The following SCFD2 variants were observed in gnomAD, a reference collection of about 807,000 sequenced individuals.
SCFD2 encodes sec1 family domain-containing protein 2.
In SCFD2, 54 loss-of-function variants were observed where a neutral mutation model predicts 58.9. The observed-to-expected ratio is 0.92, with a 90% CI of 0.74 to 1.15. The LOEUF is 1.15. Ranked by LOEUF, SCFD2 falls within the 50% of genes most tolerant of loss-of-function variation. The probability of loss-of-function intolerance (pLI) is 0.00; values close to 1 mark genes in which losing one functional copy is unlikely to be tolerated. For synonymous variants in SCFD2, 321 were observed against 335.9 expected (o/e 0.96, Z 0.49); for missense variants, 805 against 836.6 (o/e 0.96, Z 0.47).
intron 4 of SCFD2, among the ~76,000 whole-genome samples, chr4:53,180,215 A>G (rs1727499289): frequency 6.6e-6 from 1 of 152,170 alleles, no homozygotes; most frequent in African/African-American, 2.4e-5. Context: ...TCAGCACCAC[A>G]ACACACCTAC....
chr4:53,024,156 C>A (rs1275015552), intron 5 of SCFD2, among the ~76,000 whole-genome samples: 2 of 152,136 alleles, frequency 1.3e-5, no homozygotes, highest in Non-Finnish European at 2.9e-5. Flanking sequence ...AACCCTGACA[C>A]CAAGTGCTAG....
intron 4 of SCFD2, among the ~76,000 whole-genome samples, chr4:53,231,899 T>G (rs890970959): frequency 2.0e-5 from 3 of 152,134 alleles, no homozygotes; most frequent in African/African-American, 7.2e-5. Context: ...ATTATCTTCC[T>G]TTTAGTCTCA....
At chr4:53,007,079 G>A (rs34736313) in intron 5 of SCFD2, among the ~76,000 whole-genome samples, 417 of 151,994 alleles carry the variant, frequency 2.7e-3, no homozygotes, top group Middle Eastern at 6.8e-3. Flanking sequence ...TCTGGAGTTT[G>A]AGACCAACCT....
rs1026812614 is a variant in SCFD2 at position 53,162,779 on chromosome 4, G to A, written c.1312-17197C>T. Among the ~76,000 whole-genome samples the A allele has an allele frequency of 1.0e-3, 156 of 151,784 alleles. 1 individual carries two copies. Among genetic ancestry groups the A allele is most frequent in the African/African-American group, 3.6e-3 (148 of 41,344 alleles). On this transcript the variant is annotated intron_variant, in intron 4 of 8. Coordinates refer to ENST00000401642, the MANE Select transcript of SCFD2 (RefSeq NM_152540.4). ...ATGAGTTAATGGGTGCAGCACACCAGCATGGCACATGTATACATACGTAAC... is the reference window on the plus strand; with the variant it reads ...ATGAGTTAATGGGTGCAGCACACCAACATGGCACATGTATACATACGTAAC...
At chr4:53,152,847 G>A (rs1726552380) in intron 4 of SCFD2, among the ~76,000 whole-genome samples, 1 of 152,078 alleles carries the variant, frequency 6.6e-6, no homozygotes. Context: ...AAAGAACGGG[G>A]CAACAGACCC....
At chr4:52,881,856 T>C (rs914037478) in intron 8 of SCFD2, among the ~76,000 whole-genome samples, 5 of 152,178 alleles carry the variant, frequency 3.3e-5, no homozygotes, top group Non-Finnish European at 5.9e-5. Context: ...CATTCATGAA[T>C]ATCCACTAAG....
rs997065785 is a variant in SCFD2 at position 52,887,882 on chromosome 4, C to T, written c.1843-2016G>A. Among the ~76,000 whole-genome samples the T allele has an allele frequency of 2.0e-5, 3 of 149,390 alleles. No homozygotes were observed. The South Asian group carries it at 6.4e-4, about 32-fold the overall frequency. On this transcript the variant is annotated intron_variant, in intron 7 of 8. Transcript: ENST00000401642. ...CTCCCTTGCCTGATTATACCCACGTCTCAACATCTTATTCTTTTTTTTTTT... is the reference window on the plus strand; with the variant it reads ...CTCCCTTGCCTGATTATACCCACGTTTCAACATCTTATTCTTTTTTTTTTT...
intron 2 of SCFD2, among the ~76,000 whole-genome samples, chr4:53,324,000 G>T (rs1185352313): frequency 1.3e-5 from 2 of 152,132 alleles, no homozygotes; most frequent in South Asian, 2.1e-4. Flanking sequence ...AAGCACACAG[G>T]TCTTGAATAT....
At chr4:53,223,646 C>A (rs1387926331) in intron 4 of SCFD2, among the ~76,000 whole-genome samples, 1 of 152,200 alleles carries the variant, frequency 6.6e-6, no homozygotes, top group Non-Finnish European at 1.5e-5. Flanking sequence ...TCATGGAAAT[C>A]TCGTTTGGCT....
intron 5 of SCFD2, among the ~76,000 whole-genome samples, chr4:53,105,291 G>A (rs1188582778): frequency 3.3e-5 from 5 of 151,798 alleles, no homozygotes; most frequent in Non-Finnish European, 1.5e-5. Context: ...AGCTTTAGGA[G>A]TTTTTTTTCA....
intron 3 of SCFD2, among the ~76,000 whole-genome samples, chr4:53,293,148 T>C (rs900036990): frequency 5.9e-5 from 9 of 152,196 alleles, no homozygotes; most frequent in South Asian, 2.1e-4. Flanking sequence ...ATCATGTCTT[T>C]TGCAGGGACA....
chr4:53,305,198 A>AT (rs1037406426), intron 3 of SCFD2, among the ~76,000 whole-genome samples: 1 of 151,782 alleles, frequency 6.6e-6, no homozygotes, highest in African/African-American at 2.4e-5. Context: ...AAATTTTTTT[A>AT]TTTTTTCAAA....
intron 5 of SCFD2, among the ~76,000 whole-genome samples, chr4:53,011,839 A>G (rs1367036196): frequency 6.6e-6 from 1 of 152,214 alleles, no homozygotes; most frequent in Non-Finnish European, 1.5e-5. Context: ...TGCCTTCATA[A>G]CATTATTATT....
intron 4 of SCFD2, among the ~76,000 whole-genome samples, chr4:53,270,723 T>C (rs1297089891): frequency 2.6e-5 from 4 of 152,168 alleles, no homozygotes; most frequent in Non-Finnish European, 5.9e-5. Flanking sequence ...AATAAACATC[T>C]GGAAAACTGA....
At chr4:53,196,290 T>C (rs1728054898) in intron 4 of SCFD2, among the ~76,000 whole-genome samples, 2 of 152,160 alleles carry the variant, frequency 1.3e-5, no homozygotes, top group East Asian at 1.9e-4. Flanking sequence ...GTGAAAAACA[T>C]GATTGTCGAA....
At chr4:53,309,564 C>T (rs1415144359) in intron 3 of SCFD2, among the ~76,000 whole-genome samples, 2 of 151,754 alleles carry the variant, frequency 1.3e-5, no homozygotes, top group Non-Finnish European at 2.9e-5. Flanking sequence ...TGAACAGAGT[C>T]AGGAAAGAGG....
chr4:53,124,802 T>C (rs1327818707), intron 5 of SCFD2, among the ~76,000 whole-genome samples: 2 of 152,180 alleles, frequency 1.3e-5, no homozygotes, highest in Non-Finnish European at 2.9e-5. Flanking sequence ...GTTCATTCCT[T>C]CCTTCAGCAC....
At chr4:52,896,474 T>C (rs1054172044) in intron 7 of SCFD2, among the ~76,000 whole-genome samples, 56 of 152,332 alleles carry the variant, frequency 3.7e-4, no homozygotes, top group Non-Finnish European at 7.1e-4. Flanking sequence ...TAGTTGTAGA[T>C]ATGCGGCATT....
At chr4:53,215,683 T>C (rs563527053) in intron 4 of SCFD2, among the ~76,000 whole-genome samples, 3 of 152,244 alleles carry the variant, frequency 2.0e-5, no homozygotes, top group African/African-American at 7.2e-5. Flanking sequence ...CAAAACTATG[T>C]AAAACAGGAG....
Sources: gnomAD v4.1 joint callset for allele counts (sites outside exome capture counted in the v4.1 genomes callset) on GRCh38, gnomAD v4.1.1 for gene constraint, MANE v1.5 for transcripts, NCBI Gene and HGNC (gene_info 2026-07-23, HGNC 2026-07-21) for gene names.